The following STK32B variants were observed in gnomAD, a reference collection of about 807,000 sequenced individuals.
STK32B encodes the protein serine/threonine-protein kinase 32B.
Under a neutral mutation model 52.6 loss-of-function variants are expected in STK32B, and 43 were observed. The observed-to-expected ratio is 0.82, with a 90% CI of 0.64 to 1.05. The LOEUF (loss-of-function observed/expected upper bound fraction) is 1.05. Ranked by LOEUF, STK32B falls within the 50% of genes least tolerant of loss-of-function variation. The probability of loss-of-function intolerance (pLI) is 0.00; values close to 1 mark genes in which losing one functional copy is unlikely to be tolerated. For synonymous variants in STK32B, 238 were observed against 204.3 expected (o/e 1.17, Z -1.41); for missense variants, 621 against 534.6 (o/e 1.16, Z -1.59).
the STK32B span, chr4:5,019,436 G>T: frequency 6.8e-7 from 1 of 1,473,030 alleles, no homozygotes. Flanking sequence ...AGAGGCCCAG[G>T]CGTCCTCATG....
rs377477042 is a variant in STK32B at position 5,174,106 on chromosome 4, T to A, written c.260+5656T>A. Among the ~76,000 whole-genome samples the A allele has an allele frequency of 5.0e-4, 76 of 151,860 alleles. 1 individual carries two copies. The highest frequency in any genetic ancestry group is 4.9e-4 in the Non-Finnish European group (33 of 67,834). On this transcript the variant is annotated intron_variant, in intron 3 of 11. Coordinates refer to ENST00000282908, the MANE Select transcript of STK32B (RefSeq NM_018401.3). ...TTGTTGGTTTAAAGTCTGTTTTATCTGAGACTAGGATTGCAACCCCTGCCT... is the reference window on the plus strand; with the variant it reads ...TTGTTGGTTTAAAGTCTGTTTTATCAGAGACTAGGATTGCAACCCCTGCCT...
At chr4:5,481,343 G>C (rs1718690136) in intron 11 of STK32B, among the ~76,000 whole-genome samples, 1 of 152,194 alleles carries the variant, frequency 6.6e-6, no homozygotes, top group Non-Finnish European at 1.5e-5. Flanking sequence ...GAGCTGATGA[G>C]CATTTTTTCA....
chr4:5,417,087 G>A (rs1055992426), intron 6 of STK32B, among the ~76,000 whole-genome samples, 153 bp downstream of exon 6: 14 of 152,132 alleles, frequency 9.2e-5, no homozygotes, highest in African/African-American at 2.9e-4. Flanking sequence ...ATGCTCCCTC[G>A]AAGCTCTGGA....
intron 3 of STK32B, among the ~76,000 whole-genome samples, chr4:5,304,060 A>G (rs903833528): frequency 6.6e-6 from 1 of 152,086 alleles, no homozygotes; most frequent in Non-Finnish European, 1.5e-5. Flanking sequence ...TACCAGTACC[A>G]TGCTGTTTGG....
At chr4:5,244,134 G>A (rs563771926) in intron 3 of STK32B, among the ~76,000 whole-genome samples, 1 of 152,134 alleles carries the variant, frequency 6.6e-6, no homozygotes, top group Non-Finnish European at 1.5e-5. Flanking sequence ...CTATTGATTG[G>A]AATAGTTTCA....
At chr4:5,189,341 A>G (rs73208958) in intron 3 of STK32B, among the ~76,000 whole-genome samples, 35,159 of 152,164 alleles carry the variant, frequency 0.23, 5,059 homozygotes, top group Non-Finnish European at 0.33. Flanking sequence ...CCTGGCAACA[A>G]CTGATCTTTT....
intron 2 of STK32B, among the ~76,000 whole-genome samples, chr4:5,145,602 T>C (rs1336118428): frequency 6.6e-6 from 1 of 152,216 alleles, no homozygotes; most frequent in East Asian, 1.9e-4. Flanking sequence ...ATATAGTCTT[T>C]TGTTTAAAGC....
At chr4:5,317,011 T>TACA in intron 3 of STK32B, among the ~76,000 whole-genome samples, 1 of 40,236 alleles carries the variant, frequency 2.5e-5, no homozygotes. Context: ...ATATAATATA[T>TACA]ATAATATATA....
At chr4:5,293,581 G>A (rs1428972001) in intron 3 of STK32B, among the ~76,000 whole-genome samples, 2 of 152,068 alleles carry the variant, frequency 1.3e-5, no homozygotes, top group African/African-American at 2.4e-5. Context: ...CCACATAAAT[G>A]TCTTCTTTTG....
rs528681207 is a variant in STK32B, at chr4:5,300,501, T to A, written c.261-30719T>A. Among the ~76,000 whole-genome samples the A allele has an allele frequency of 3.3e-5, 5 of 152,282 alleles. 1 individual carries two copies. In the East Asian group the frequency reaches 9.7e-4, roughly 29 times the overall value. On this transcript the variant is annotated intron_variant, in intron 3 of 11. Coordinates refer to ENST00000282908, the MANE Select transcript of STK32B (RefSeq NM_018401.3). ...AAGAGGAAGTCAAATTATCTCTCTT[T>A]ACAGACCACATTATTCTACACTTAG...
intron 11 of STK32B, among the ~76,000 whole-genome samples, chr4:5,468,866 C>T (rs1012901894): frequency 3.3e-5 from 5 of 151,936 alleles, no homozygotes; most frequent in Middle Eastern, 3.2e-3. Context: ...ATCGAGACCA[C>T]GGTGAAACCC....
At chr4:5,495,834 A>C (rs1160127270) in intron 11 of STK32B, among the ~76,000 whole-genome samples, 1 of 152,196 alleles carries the variant, frequency 6.6e-6, no homozygotes, top group Non-Finnish European at 1.5e-5. Flanking sequence ...AGTTTGCTAG[A>C]GGTCCACTCC....
At chr4:5,097,786 T>C (rs1249219564) in intron 1 of STK32B, among the ~76,000 whole-genome samples, 1 of 152,240 alleles carries the variant, frequency 6.6e-6, no homozygotes, top group Non-Finnish European at 1.5e-5. Flanking sequence ...AGGAGGGCAG[T>C]GTATCAGTTA....
At chr4:5,484,972 G>T (rs1281166203) in intron 11 of STK32B, among the ~76,000 whole-genome samples, 1 of 152,100 alleles carries the variant, frequency 6.6e-6, no homozygotes, top group Non-Finnish European at 1.5e-5. Flanking sequence ...TTAGTCTGAT[G>T]GGCTTCCCTT....
At chr4:5,457,504 C>A (rs535088761) in intron 8 of STK32B, among the ~76,000 whole-genome samples, 1 of 151,278 alleles carries the variant, frequency 6.6e-6, no homozygotes. Flanking sequence ...CGTGAGCCAC[C>A]GTGCCCAGCC....
At chr4:5,455,215 C>A (rs550599395) in intron 7 of STK32B, among the ~76,000 whole-genome samples, 52 of 152,298 alleles carry the variant, frequency 3.4e-4, no homozygotes, top group African/African-American at 1.1e-3. Flanking sequence ...GGATCGGGAC[C>A]CCTCGCCCCT....
chr4:5,454,085 T>C (rs1417657110), intron 7 of STK32B, among the ~76,000 whole-genome samples: 1 of 152,072 alleles, frequency 6.6e-6, no homozygotes, highest in African/African-American at 2.4e-5. Context: ...CTCTCTTTAT[T>C]GCCCATCTCT....
chr4:5,035,944 G>A, the STK32B span, among the ~76,000 whole-genome samples: 2 of 151,926 alleles, frequency 1.3e-5, no homozygotes, highest in African/African-American at 4.8e-5. Context: ...ACCACACCCG[G>A]CTAATTTTTG....
chr4:5,125,858 C>T (rs1312355406), intron 1 of STK32B, among the ~76,000 whole-genome samples: 3 of 152,182 alleles, frequency 2.0e-5, no homozygotes, highest in African/African-American at 7.2e-5. Context: ...CTCCCACAGA[C>T]CCCCACGAAG....
Sources: gnomAD v4.1 joint callset for allele counts (sites outside exome capture counted in the v4.1 genomes callset) on GRCh38, gnomAD v4.1.1 for gene constraint, MANE v1.5 for transcripts, NCBI Gene and HGNC (gene_info 2026-07-23, HGNC 2026-07-21) for gene names.